The following SRGAP2 variants were observed in gnomAD, a reference collection of about 807,000 sequenced individuals.
The protein encoded by SRGAP2 is SLIT-ROBO Rho GTPase-activating protein 2.
In SRGAP2, 15 loss-of-function variants were observed where a neutral mutation model predicts 57.2. That is an observed-to-expected ratio of 0.26 (90% confidence interval 0.18 to 0.40). The LOEUF is 0.40. Ranked by LOEUF, SRGAP2 falls within the 10% of genes least tolerant of loss-of-function variation. The pLI, the probability that SRGAP2 is intolerant of heterozygous loss-of-function variation, is 1.00. For synonymous variants in SRGAP2, 249 were observed against 248.0 expected, an observed-to-expected ratio of 1.00 and a Z score of -0.04; for missense variants, 520 against 669.6, an observed-to-expected ratio of 0.78 and a Z score of 2.47.
intron 2 of SRGAP2, among the ~76,000 whole-genome samples, chr1:206,256,811 G>C (rs1297392761): frequency 1.3e-5 from 2 of 152,216 alleles, no homozygotes; most frequent in African/African-American, 4.8e-5. Context: ...CCAAAGAAAA[G>C]AAAGGAAGAG....
At chr1:206,417,904 C>G (rs1659881225) in intron 11 of SRGAP2, among the ~76,000 whole-genome samples, 1 of 151,678 alleles carries the variant, frequency 6.6e-6, no homozygotes, top group African/African-American at 2.4e-5. Context: ...TCAAGACAGT[C>G]TAAGCATAGT....
chr1:206,436,199 C>T (rs1661734117), intron 14 of SRGAP2, among the ~76,000 whole-genome samples: 1 of 152,146 alleles, frequency 6.6e-6, no homozygotes, highest in Non-Finnish European at 1.5e-5. Flanking sequence ...ATGCTCCTGA[C>T]TTATAGTTTC....
In SRGAP2 at chr1:206,353,552, C is replaced by T. The variant is rs1445718149; in HGVS notation, c.423+10544C>T. 3.3e-5 allele frequency among the ~76,000 whole-genome samples: 5 copies of T among 151,996 alleles called. No homozygotes were observed. In the East Asian group the frequency reaches 9.6e-4, roughly 29 times the overall value. ...ATCCCAGCTGCTCAGGAGGCTGAGG[C>T]AGGAGAATCACTTGAACCCAGAAGG... On this transcript the variant is annotated intron_variant, in intron 4 of 22. Coordinates refer to ENST00000573034, the MANE Select transcript of SRGAP2 (RefSeq NM_015326.5).
intron 3 of SRGAP2, among the ~76,000 whole-genome samples, chr1:206,309,742 G>A (rs1425645244): frequency 2.0e-5 from 3 of 151,784 alleles, no homozygotes; most frequent in Non-Finnish European, 4.4e-5. Flanking sequence ...GGTGGAGACG[G>A]CATACTGCTG....
At chr1:206,435,716 C>T (rs983274455) in intron 14 of SRGAP2, among the ~76,000 whole-genome samples, 1 of 152,222 alleles carries the variant, frequency 6.6e-6, no homozygotes, top group African/African-American at 2.4e-5. Flanking sequence ...TAACTTAAGG[C>T]TGACTATCAC....
At chr1:206,446,507 A>T (rs898431427) in intron 18 of SRGAP2, among the ~76,000 whole-genome samples, 4 of 152,132 alleles carry the variant, frequency 2.6e-5, no homozygotes, top group African/African-American at 9.7e-5. Context: ...TCCCTTTTTG[A>T]TGAGTTCTGA....
At chr1:206,363,400 C>G (rs1418745221) in intron 4 of SRGAP2, among the ~76,000 whole-genome samples, 1 of 151,896 alleles carries the variant, frequency 6.6e-6, no homozygotes, top group Non-Finnish European at 1.5e-5. Flanking sequence ...GTTAAAATCC[C>G]ATCTTTCCAA....
At chr1:206,220,516 G>T (rs368447786) in intron 2 of SRGAP2, among the ~76,000 whole-genome samples, 4 of 152,194 alleles carry the variant, frequency 2.6e-5, no homozygotes, top group Admixed American at 6.5e-5. Context: ...TTCTGCCCTC[G>T]GACAGTTCTT....
intron 15 of SRGAP2, chr1:206,437,680 C>T (rs1300330608): frequency 1.4e-5 from 5 of 349,944 alleles, no homozygotes; most frequent in Non-Finnish European, 2.6e-5. Flanking sequence ...GATACAGTTG[C>T]TGTGTCCCAT....
chr1:206,320,453 CA>C (rs1286915518), intron 3 of SRGAP2, among the ~76,000 whole-genome samples: 1 of 97,318 alleles, frequency 1.0e-5, no homozygotes, highest in African/African-American at 4.3e-5. Flanking sequence ...ATATGTGAAT[CA>C]GTAATAAACA....
At chr1:206,419,597 G>A (rs1660114662) in intron 12 of SRGAP2, among the ~76,000 whole-genome samples, 197 bp downstream of exon 12, 1 of 152,078 alleles carries the variant, frequency 6.6e-6, no homozygotes, top group Non-Finnish European at 1.5e-5. Flanking sequence ...GGGTTTTCTG[G>A]GACTTTGAGA....
rs1302056616 is a variant in SRGAP2, at chr1:206,375,115, T to C, written c.424-8899T>C. The stretch of plus-strand genomic sequence containing the variant: ...ATCCCCCAGCTCATAGATTTCCTTA[T>C]TGTAGAAGGGCATATGTTTTCAAGT... On this transcript the variant is annotated intron_variant, in intron 4 of 22. Transcript: ENST00000573034. Among the ~76,000 whole-genome samples the C allele has an allele frequency of 4.3e-4, 58 of 136,024 alleles. 1 individual carries two copies. The highest frequency in any genetic ancestry group is 1.7e-4 in the Non-Finnish European group (11 of 63,502). 89.2% of individuals were successfully genotyped at this position (136,024 alleles called of 152,430 possible).
intron 13 of SRGAP2, among the ~76,000 whole-genome samples, chr1:206,428,870 A>T (rs782079613): frequency 2.0e-5 from 3 of 151,762 alleles, no homozygotes; most frequent in Non-Finnish European, 2.9e-5. Context: ...CTGGTCTCAC[A>T]CTCTTGATCT....
At chr1:206,240,036 C>T (rs1419577405) in intron 2 of SRGAP2, among the ~76,000 whole-genome samples, 4 of 151,626 alleles carry the variant, frequency 2.6e-5, no homozygotes, top group African/African-American at 7.3e-5. Flanking sequence ...GAGGCCAAGG[C>T]GGGCGGATCA....
At chr1:206,460,999 C>T (rs782674718) in intron 22 of SRGAP2, 38 bp from the exon 23 acceptor site, 2 of 666,598 alleles carry the variant, frequency 3.0e-6, no homozygotes, top group East Asian at 5.0e-5. Flanking sequence ...GAATTCTCCC[C>T]TCATTTGCCT....
chr1:206,287,005 A>G (rs1306951263), intron 2 of SRGAP2, among the ~76,000 whole-genome samples: 1 of 152,198 alleles, frequency 6.6e-6, no homozygotes, highest in African/African-American at 2.4e-5. Flanking sequence ...GTTAGGAGCT[A>G]CCACAGCAAT....
At chr1:206,302,107 G>A (rs1671906659) in intron 2 of SRGAP2, among the ~76,000 whole-genome samples, 1 of 151,590 alleles carries the variant, frequency 6.6e-6, no homozygotes, top group African/African-American at 2.4e-5. Context: ...CATAATATAG[G>A]TGCTCCTTTT....
At chr1:206,258,906 G>A (rs1358788152) in intron 2 of SRGAP2, among the ~76,000 whole-genome samples, 4 of 147,626 alleles carry the variant, frequency 2.7e-5, no homozygotes, top group South Asian at 4.5e-4. Context: ...TCCAGGTAGA[G>A]ATGTCTGAAA....
chr1:206,318,499 C>T (rs1235916039), intron 3 of SRGAP2, among the ~76,000 whole-genome samples: 1 of 152,188 alleles, frequency 6.6e-6, no homozygotes, highest in East Asian at 1.9e-4. Context: ...CCACAGAGTC[C>T]TAGATACATG....
Sources: allele counts gnomAD v4.1 joint callset (sites outside exome capture counted in the v4.1 genomes callset), GRCh38; gene constraint gnomAD v4.1.1; transcripts MANE v1.5; gene names NCBI Gene and HGNC (gene_info 2026-07-23, HGNC 2026-07-21).